TRPC4: variants seen among roughly 807,000 people sequenced by gnomAD.
TRPC4 encodes the protein transient receptor potential cation channel subfamily C member 4, also known as short transient receptor potential channel 4.
A neutral mutation model predicts 99.4 loss-of-function variants in TRPC4; 49 were observed. That is an observed-to-expected ratio of 0.49 (90% confidence interval 0.39 to 0.63). TRPC4 has a LOEUF of 0.63. Ranked by LOEUF, TRPC4 falls within the 20% of genes least tolerant of loss-of-function variation. The pLI, the probability that TRPC4 is intolerant of heterozygous loss-of-function variation, is 0.00. For missense variants in TRPC4, 898 were observed against 1,152.9 expected, an observed-to-expected ratio of 0.78 and a Z score of 3.20; for synonymous variants, 454 against 425.9, an observed-to-expected ratio of 1.07 and a Z score of -0.81.
intron 1 of TRPC4, among the ~76,000 whole-genome samples, chr13:37,853,512 C>G (rs1654371546): frequency 6.6e-6 from 1 of 152,090 alleles, no homozygotes; most frequent in South Asian, 2.1e-4. Context: ...AATGGTCAGA[C>G]AGCAAAGAAC....
intron 4 of TRPC4, among the ~76,000 whole-genome samples, chr13:37,676,678 A>G (rs1413165255): frequency 6.6e-6 from 1 of 152,106 alleles, no homozygotes; most frequent in Admixed American, 6.5e-5. Flanking sequence ...GCCTGGAGTA[A>G]CATCTTTAAA....
intron 1 of TRPC4, among the ~76,000 whole-genome samples, chr13:37,809,203 T>C (rs1957609428): frequency 6.6e-6 from 1 of 152,042 alleles, no homozygotes; most frequent in Non-Finnish European, 1.5e-5. Context: ...GCTCTTCCAA[T>C]CCTTGGAAGG....
At chr13:37,862,842 G>A (rs1959469975) in intron 1 of TRPC4, among the ~76,000 whole-genome samples, 1 of 151,482 alleles carries the variant, frequency 6.6e-6, no homozygotes, top group African/African-American at 2.4e-5. Flanking sequence ...GTGTATGTGT[G>A]CGTATGTGTA....
intron 5 of TRPC4, among the ~76,000 whole-genome samples, chr13:37,667,799 C>T (rs7323808): frequency 0.012 from 1,764 of 152,324 alleles, 41 homozygotes; most frequent in African/African-American, 0.041. Flanking sequence ...TTGGCTCAAA[C>T]TTTCACTACT....
chr13:37,676,711 A>C (rs1439045858), intron 4 of TRPC4, among the ~76,000 whole-genome samples: 2 of 152,228 alleles, frequency 1.3e-5, no homozygotes, highest in East Asian at 3.9e-4. Context: ...AAAGAATAAG[A>C]GTTAACCCAG....
chr13:37,859,797 A>G (rs189699575), intron 1 of TRPC4, among the ~76,000 whole-genome samples: 55 of 151,586 alleles, frequency 3.6e-4, no homozygotes, highest in African/African-American at 1.3e-3. Context: ...CTAGAAAAAC[A>G]TCTGTGATAT....
intron 3 of TRPC4, among the ~76,000 whole-genome samples, chr13:37,704,657 A>G (rs1483765238): frequency 6.6e-6 from 1 of 152,158 alleles, no homozygotes; most frequent in Non-Finnish European, 1.5e-5. Context: ...AAATAAATAA[A>G]TAAATAAATA....
chr13:37,818,662 G>T (rs866571901), intron 1 of TRPC4, among the ~76,000 whole-genome samples: 13 of 152,134 alleles, frequency 8.5e-5, no homozygotes, highest in South Asian at 2.1e-4. Flanking sequence ...GGACATGGAT[G>T]AAGCTGGAAA....
chr13:37,742,086 A>G (rs1166946798), intron 3 of TRPC4, among the ~76,000 whole-genome samples: 1 of 152,290 alleles, frequency 6.6e-6, no homozygotes, highest in African/African-American at 2.4e-5. Context: ...TGATCAGTAC[A>G]ATTGCAGCAT....
At position 37,671,868 on chromosome 13, in the gene TRPC4, T is replaced by C. The variant is rs149474743; in HGVS notation, c.1374+2360A>G. On this transcript the variant is annotated intron_variant, in intron 5 of 10. Transcript: ENST00000379705. Reference sequence around the variant, plus strand: ...CAAATCCTTCAGAAAGGACATGTTGTAGTTTATATTTCCAATTGTAGCTGA... The same window carrying C: ...CAAATCCTTCAGAAAGGACATGTTGCAGTTTATATTTCCAATTGTAGCTGA... Among the ~76,000 whole-genome samples the C allele has an allele frequency of 6.7e-3, 1,021 of 152,292 alleles. 15 individuals carry two copies. Among genetic ancestry groups the C allele is most frequent in the African/African-American group, 0.024 (981 of 41,570 alleles).
chr13:37,796,402 C>T (rs979957527), intron 1 of TRPC4, among the ~76,000 whole-genome samples: 5 of 152,128 alleles, frequency 3.3e-5, no homozygotes, highest in African/African-American at 1.2e-4. Context: ...AATATGTTCG[C>T]TACCTGATGC....
At chr13:37,740,503 G>A (rs12858218) in intron 3 of TRPC4, among the ~76,000 whole-genome samples, 53,120 of 151,986 alleles carry the variant, frequency 0.35, 11,128 homozygotes, top group Non-Finnish European at 0.48. Context: ...AGACAAGTAG[G>A]GTTCTAGGCA....
At chr13:37,794,966 C>G (rs117428614) in intron 1 of TRPC4, among the ~76,000 whole-genome samples, 1 of 152,018 alleles carries the variant, frequency 6.6e-6, no homozygotes, top group South Asian at 2.1e-4. Flanking sequence ...GAACATCATA[C>G]AGTTAGAATT....
At chr13:37,803,757 T>A (rs188243338) in intron 1 of TRPC4, among the ~76,000 whole-genome samples, 87 of 152,116 alleles carry the variant, frequency 5.7e-4, no homozygotes, top group Non-Finnish European at 1.1e-3. Flanking sequence ...GGGATCTGAA[T>A]GCTGAAATGA....
chr13:37,645,325 T>C (rs1951836966), intron 8 of TRPC4, among the ~76,000 whole-genome samples: 1 of 152,086 alleles, frequency 6.6e-6, no homozygotes, highest in East Asian at 1.9e-4. Context: ...TCAGGTTTCT[T>C]TAGAGCAGGG....
intron 5 of TRPC4, among the ~76,000 whole-genome samples, chr13:37,667,636 C>A (rs186967468): frequency 1.3e-5 from 2 of 152,150 alleles, no homozygotes; most frequent in Non-Finnish European, 2.9e-5. Flanking sequence ...AAGAACCCAA[C>A]CAGCCCATGT....
rs1270404687 is a variant in TRPC4, at chr13:37,663,299, C to T, written c.1688+117G>A. 15 of 958,832 alleles carry T rather than the reference C, an allele frequency of 1.6e-5. No homozygotes were observed. The Admixed American group carries it at 4.9e-4, about 31-fold the overall frequency. The allele number at this position is 958,832 out of a possible 1,614,324, so 59.4% of individuals were successfully genotyped here. ...TGTTAATTCTGTTTTCTGCATTAAG[C>T]ACAATTTTAGTTCCCCATTTTCTTT... On this transcript the variant is annotated intron_variant, in intron 6 of 10. Coordinates refer to ENST00000379705, the MANE Select transcript of TRPC4 (RefSeq NM_016179.4).
intron 7 of TRPC4, among the ~76,000 whole-genome samples, chr13:37,652,038 CT>C (rs1952063299): frequency 1.3e-5 from 2 of 152,236 alleles, no homozygotes; most frequent in South Asian, 4.1e-4. Flanking sequence ...CTTGACCTAA[CT>C]TTGTACAGAT....
At chr13:37,638,835 T>C in intron 10 of TRPC4, among the ~76,000 whole-genome samples, 1 of 152,184 alleles carries the variant, frequency 6.6e-6, no homozygotes, top group East Asian at 1.9e-4. Flanking sequence ...CTCTGTATGT[T>C]TGAAAACAAT....
Sources: allele counts gnomAD v4.1 joint callset (sites outside exome capture counted in the v4.1 genomes callset), GRCh38; gene constraint gnomAD v4.1.1; transcripts MANE v1.5; gene names NCBI Gene and HGNC (gene_info 2026-07-23, HGNC 2026-07-21).